WDPCP: variants seen among roughly 807,000 people sequenced by gnomAD.
WDPCP encodes the protein WD repeat containing planar cell polarity effector.
A neutral mutation model predicts 93.1 loss-of-function variants in WDPCP; 71 were observed. That is an observed-to-expected ratio of 0.76 (90% CI 0.63 to 0.93). The LOEUF is 0.93. Among genes scored for constraint, WDPCP ranks in the 40% least tolerant of loss-of-function variants. The pLI, the probability that WDPCP is intolerant of heterozygous loss-of-function variation, is 0.00. For missense variants in WDPCP, 844 were observed against 887.4 expected, an observed-to-expected ratio of 0.95 and a Z score of 0.62; for synonymous variants, 315 against 315.0, an observed-to-expected ratio of 1.00 and a Z score of 0.00.
chr2:63,569,642 C>G (rs947067700), intron 1 of WDPCP, among the ~76,000 whole-genome samples: 4 of 152,170 alleles, frequency 2.6e-5, no homozygotes, highest in Non-Finnish European at 5.9e-5. Context: ...TCAATTTCCT[C>G]ACAAACATTT....
chr2:63,149,361 G>C (rs1261930688), intron 17 of WDPCP, among the ~76,000 whole-genome samples: 1 of 152,162 alleles, frequency 6.6e-6, no homozygotes, highest in Non-Finnish European at 1.5e-5. Context: ...AAAAACCTGA[G>C]TGTTTAAGTA....
intron 2 of WDPCP, among the ~76,000 whole-genome samples, chr2:63,741,349 C>T (rs1182375136): frequency 6.6e-6 from 1 of 151,856 alleles, no homozygotes; most frequent in African/African-American, 2.4e-5. Context: ...CACTGTACAC[C>T]CTGAGTTAAG....
At chr2:63,805,445 A>C (rs1027468072) in intron 2 of WDPCP, among the ~76,000 whole-genome samples, 3 of 152,214 alleles carry the variant, frequency 2.0e-5, no homozygotes, top group African/African-American at 7.2e-5. Context: ...CTCTGTCCCC[A>C]AATCAGACCC....
At chr2:63,368,093 T>A (rs1691058850) in intron 12 of WDPCP, among the ~76,000 whole-genome samples, 3 of 152,028 alleles carry the variant, frequency 2.0e-5, no homozygotes, top group Admixed American at 2.0e-4. Flanking sequence ...AGGACCAGAA[T>A]CTACAGCAAG....
At chr2:63,344,826 G>C (rs542098846) in intron 12 of WDPCP, among the ~76,000 whole-genome samples, 6 of 152,270 alleles carry the variant, frequency 3.9e-5, no homozygotes, top group Non-Finnish European at 1.5e-5. Context: ...CTGAGAACAA[G>C]GTTTGTAATG....
chr2:63,412,664 T>G (rs1695102729), intron 9 of WDPCP, among the ~76,000 whole-genome samples: 2 of 152,006 alleles, frequency 1.3e-5, no homozygotes, highest in Admixed American at 6.6e-5. Context: ...CTAGAACTGA[T>G]AAAAGAATTC....
chr2:63,347,681 T>TG (rs1020220452), intron 12 of WDPCP, among the ~76,000 whole-genome samples: 9 of 151,888 alleles, frequency 5.9e-5, no homozygotes, highest in Admixed American at 2.6e-4. Flanking sequence ...GCTGTTTTTG[T>TG]GGGGGGGTCA....
intron 2 of WDPCP, 34 bp downstream of exon 2, chr2:63,492,822 G>A (rs1184610955): frequency 1.9e-6 from 3 of 1,583,208 alleles, no homozygotes; most frequent in Non-Finnish European, 2.6e-6. Flanking sequence ...TAACATATTT[G>A]AAAAATATTG....
At chr2:63,720,093 A>C (rs1669392957) in intron 2 of WDPCP, among the ~76,000 whole-genome samples, 1 of 152,198 alleles carries the variant, frequency 6.6e-6, no homozygotes, top group South Asian at 2.1e-4. Flanking sequence ...AAAAATCCCA[A>C]GAAAACAACA....
intron 2 of WDPCP, among the ~76,000 whole-genome samples, chr2:63,651,165 T>A (rs763853558): frequency 5.3e-5 from 8 of 152,246 alleles, no homozygotes; most frequent in South Asian, 2.1e-4. Context: ...GGACTGCTCA[T>A]CCTCTGGAAT....
chr2:63,348,159 A>C (rs1689328047), intron 12 of WDPCP, among the ~76,000 whole-genome samples: 1 of 152,186 alleles, frequency 6.6e-6, no homozygotes, highest in East Asian at 1.9e-4. Context: ...ATTTAATTAA[A>C]GTTTGGTAAG....
chr2:63,593,512 T>C (rs975070211), upstream of WDPCP: 5 of 470,084 alleles, frequency 1.1e-5, no homozygotes, highest in African/African-American at 4.0e-5. Flanking sequence ...CCTTCGAGGC[T>C]ATCCATCCTT....
intron 14 of WDPCP, among the ~76,000 whole-genome samples, chr2:63,204,028 CTT>C (rs1160191815): frequency 2.0e-5 from 3 of 152,306 alleles, no homozygotes; most frequent in South Asian, 2.1e-4. Context: ...GCAGATATCT[CTT>C]TGATAGACTA....
intron 1 of WDPCP, among the ~76,000 whole-genome samples, chr2:63,538,961 A>G (rs891657135): frequency 2.0e-5 from 3 of 152,176 alleles, no homozygotes; most frequent in African/African-American, 7.2e-5. Context: ...ACAATATAAC[A>G]CCAGTCATTA....
chr2:63,647,038 C>G (rs765236812), intron 3 of WDPCP, among the ~76,000 whole-genome samples: 2 of 152,116 alleles, frequency 1.3e-5, no homozygotes, highest in African/African-American at 2.4e-5. Flanking sequence ...GCCATTAATT[C>G]TTAGATTTGC....
At chr2:63,654,167 T>C (rs1016714875) in intron 2 of WDPCP, among the ~76,000 whole-genome samples, 13 of 151,986 alleles carry the variant, frequency 8.6e-5, no homozygotes, top group African/African-American at 3.1e-4. Flanking sequence ...AGATGAAAAA[T>C]AAAATATCTG....
chr2:63,808,755 G>A (rs1276405362), intron 2 of WDPCP, among the ~76,000 whole-genome samples: 2 of 152,168 alleles, frequency 1.3e-5, no homozygotes, highest in East Asian at 1.9e-4. Context: ...GCCTCTGCCT[G>A]GCCGCCACCC....
intron 9 of WDPCP, among the ~76,000 whole-genome samples, chr2:63,421,052 C>T (rs1558610693): frequency 6.6e-6 from 1 of 152,118 alleles, no homozygotes; most frequent in Non-Finnish European, 1.5e-5. Flanking sequence ...ATTTACTCTA[C>T]CATAATAGTG....
At chr2:63,799,597 A>G (rs2104029474) in intron 2 of WDPCP, among the ~76,000 whole-genome samples, 1 of 152,276 alleles carries the variant, frequency 6.6e-6, no homozygotes, top group South Asian at 2.1e-4. Flanking sequence ...ATCTGCAAAC[A>G]TTTCTGTAAA....
Sources: allele counts gnomAD v4.1 joint callset (sites outside exome capture counted in the v4.1 genomes callset), GRCh38; gene constraint gnomAD v4.1.1; transcripts MANE v1.5; gene names NCBI Gene and HGNC (gene_info 2026-07-23, HGNC 2026-07-21).